Variants in ENY2 observed in about 807,000 individuals in gnomAD.
ENY2 encodes ENY2 transcription and export complex 2 subunit, also known as transcription and mRNA export factor ENY2.
A neutral mutation model predicts 15.9 loss-of-function variants in ENY2; 4 were observed. That is an observed-to-expected ratio of 0.25 (90% CI 0.12 to 0.57). ENY2 has a LOEUF of 0.57. ENY2 is among the 20% of genes least tolerant of loss of function. The pLI, the probability that ENY2 is intolerant of heterozygous loss-of-function variation, is 0.91. For missense variants in ENY2, 54 were observed against 117.2 expected (o/e 0.46, Z 2.49); for synonymous variants, 48 against 38.0 (o/e 1.26, Z -0.97).
chr8:109,343,974 G>T lies in ENY2; in HGVS notation c.*493G>T, dbSNP rs1816177938. 6.6e-6 allele frequency: 1 copy of T among 152,284 alleles called. No homozygotes were observed. Among genetic ancestry groups the T allele is most frequent in the Non-Finnish European group, 1.5e-5 (1 of 68,130 alleles). The allele number at this position is 152,284 out of a possible 1,614,324, so 9.4% of individuals were successfully genotyped here. On this transcript the variant is annotated 3_prime_UTR_variant, in exon 5 of 5. Transcript: ENST00000521688. ...TTATGTGCCTTCCTTATGCTTCAAAGAATTTACCATCTAATGGAAGAGAAC... is the reference window on the plus strand; with the variant it reads ...TTATGTGCCTTCCTTATGCTTCAAATAATTTACCATCTAATGGAAGAGAAC...
intron 2 of ENY2, among the ~76,000 whole-genome samples, chr8:109,337,531 CAG>C (rs1816012518): frequency 6.6e-6 from 1 of 151,952 alleles, no homozygotes; most frequent in Admixed American, 6.6e-5. Flanking sequence ...GTAATAATGT[CAG>C]ATGGTGATGA....
chr8:109,337,077 G>GTTTTTTTTTTTTTTTTTTTTTT (rs1178067243), intron 2 of ENY2, among the ~76,000 whole-genome samples: 2 of 151,110 alleles, frequency 1.3e-5, no homozygotes, highest in African/African-American at 2.4e-5. Context: ...GTCATTTAAA[G>GTTTTTTTTTTTTTTTTTTTTTT]TTTTAAGAAA....
chr8:109,334,567 C>G (rs1744383552), intron 1 of ENY2, 93 bp downstream of exon 1: 1 of 1,458,170 alleles, frequency 6.9e-7, no homozygotes, highest in Non-Finnish European at 9.1e-7. Flanking sequence ...CCGACCCGCG[C>G]TCGCGGGCCT....
At chr8:109,337,365 T>TG (rs1295165340) in intron 2 of ENY2, among the ~76,000 whole-genome samples, 6 of 151,990 alleles carry the variant, frequency 3.9e-5, no homozygotes, top group Admixed American at 1.3e-4. Context: ...GTTTTTTTTT[T>TG]TTGTTGTTTG....
At position 109,340,469 on chromosome 8, in the gene ENY2, G is replaced by GT; in HGVS notation, c.155-14dup. The GT allele has an allele frequency of 1.1e-5, 18 of 1,610,840 alleles. No homozygotes were observed. Among genetic ancestry groups the GT allele is most frequent in the Non-Finnish European group, 1.4e-5 (16 of 1,177,640 alleles). On this transcript the variant is annotated intron_variant, in intron 3 of 4. Coordinates refer to ENST00000521688, the MANE Select transcript of ENY2 (RefSeq NM_020189.6). ...ATAATGATTTTAAATGATATGATTT[G>GT]TTTTTTGCTTTTGCATAAGAGGTAA...
chr8:109,342,562 T>C (rs543795072), intron 4 of ENY2: 2 of 516,016 alleles, frequency 3.9e-6, no homozygotes, highest in East Asian at 3.7e-5. Flanking sequence ...GAGGATGGAG[T>C]GCGGTGGCAT....
chr8:109,343,261 G>T, intron 4 of ENY2, 144 bp from the exon 5 acceptor site: 2 of 587,100 alleles, frequency 3.4e-6, no homozygotes, highest in African/African-American at 1.9e-5. Flanking sequence ...TTCTTTGTCA[G>T]ATAACTTTAC....
rs1816235536 is a variant in ENY2, at chr8:109,345,915, G to T, written c.*2434G>T. The T allele has an allele frequency of 6.6e-6, 1 of 152,060 alleles. No individual in the cohort carries two copies. The highest frequency in any genetic ancestry group is 6.6e-5 in the Admixed American group (1 of 15,256). 9.4% of individuals were successfully genotyped at this position (152,060 alleles called of 1,614,324 possible). On this transcript the variant is annotated 3_prime_UTR_variant, in exon 5 of 5. Transcript: ENST00000521688. Reference sequence around the variant, plus strand: ...ACAAATGTTCTCTAGTTTGTATCTAGAATCACTTATATCTTTCAAATAAAC... The same window carrying T: ...ACAAATGTTCTCTAGTTTGTATCTATAATCACTTATATCTTTCAAATAAAC...
chr8:109,339,003 T>A (rs1816056395), intron 2 of ENY2: 1 of 288,510 alleles, frequency 3.5e-6, no homozygotes, highest in Non-Finnish European at 6.6e-6. Flanking sequence ...ACAAGACCCA[T>A]GATATTCCTG....
intron 4 of ENY2, among the ~76,000 whole-genome samples, chr8:109,342,003 G>A (rs1406257504): frequency 6.6e-6 from 1 of 152,004 alleles, no homozygotes; most frequent in Non-Finnish European, 1.5e-5. Flanking sequence ...TAATTATATA[G>A]TCTTGATTTG....
Position 109,336,285 on chromosome 8 carries a change from C to G in ENY2, c.83+81C>G, listed in dbSNP as rs528132325. 1.7e-5 allele frequency: 19 copies of G among 1,130,430 alleles called. 1 individual carries two copies. The South Asian group carries it at 1.8e-4, about 11-fold the overall frequency. 70.0% of individuals were successfully genotyped at this position (1,130,430 alleles called of 1,614,324 possible). A position where few individuals can be genotyped will look rare whatever the true frequency, so the allele number is the denominator to read the frequency against. ...GTAAGAATCTAAACAAGAAATGAAA[C>G]ATGTCACTGGAAAGAATTACAATTG... On this transcript the variant is annotated intron_variant, in intron 2 of 4. Transcript: ENST00000521688.
chr8:109,342,020 G>A (rs1816123064), intron 4 of ENY2, among the ~76,000 whole-genome samples: 1 of 151,986 alleles, frequency 6.6e-6, no homozygotes, highest in Non-Finnish European at 1.5e-5. Context: ...TTTGTAGGTT[G>A]GCTTAAACTA....
intron 4 of ENY2, among the ~76,000 whole-genome samples, chr8:109,341,993 T>G (rs1407513506): frequency 1.3e-5 from 2 of 152,182 alleles, no homozygotes; most frequent in Non-Finnish European, 2.9e-5. Context: ...GGACTTGAAT[T>G]AATTATATAG....
In ENY2 at chr8:109,337,033, C is replaced by A. The variant is rs139637827; in HGVS notation, c.83+829C>A. Among the ~76,000 whole-genome samples, 262 of 151,680 alleles carry A rather than the reference C, an allele frequency of 1.7e-3. 1 individual carries two copies. The East Asian group carries it at 0.026, about 15-fold the overall frequency. On this transcript the variant is annotated intron_variant, in intron 2 of 4. Coordinates refer to ENST00000521688, the MANE Select transcript of ENY2 (RefSeq NM_020189.6). ...TCTCACACAATAAGAAAAAGAGGTG[C>A]ATCTGTTGCTGACTTTATTTTTGGA...
chr8:109,336,103 T>A (rs775471654), intron 1 of ENY2, 25 bp from the exon 2 acceptor site: 3 of 1,610,066 alleles, frequency 1.9e-6, no homozygotes, highest in Non-Finnish European at 2.5e-6. Context: ...ATGTTCTATA[T>A]CTGAAAGTAC....
chr8:109,345,055 C>T lies in ENY2; in HGVS notation c.*1574C>T, dbSNP rs370730022. ...ATGAAGTTGTTTCATCCGTAAGTACCTTTGAACCCAGAAGCCCCCTTTCTC... is the reference window on the plus strand; with the variant it reads ...ATGAAGTTGTTTCATCCGTAAGTACTTTTGAACCCAGAAGCCCCCTTTCTC... On this transcript the variant is annotated 3_prime_UTR_variant, in exon 5 of 5. Transcript: ENST00000521688. 1.1e-4 allele frequency: 17 copies of T among 152,284 alleles called. No individual in the cohort carries two copies. The East Asian group carries it at 2.7e-3, about 24-fold the overall frequency. 9.4% of individuals were successfully genotyped at this position (152,284 alleles called of 1,614,324 possible). A position where few individuals can be genotyped will look rare whatever the true frequency, so the allele number is the denominator to read the frequency against.
At chr8:109,342,760 T>G (rs1816150439) in intron 4 of ENY2, 1 of 696,646 alleles carries the variant, frequency 1.4e-6, no homozygotes, top group Non-Finnish European at 2.6e-6. Flanking sequence ...TGCCTCAACC[T>G]TCCAGACTGC....
In ENY2 at chr8:109,339,675, A is replaced by G. The variant is rs539963229; in HGVS notation, c.154+285A>G. 1.2e-5 allele frequency: 4 copies of G among 323,288 alleles called. No homozygotes were observed. In the East Asian group the frequency reaches 2.2e-4, roughly 18 times the overall value. The allele number at this position is 323,288 out of a possible 1,614,324, so 20.0% of individuals were successfully genotyped here. ...TATTGTTTCTTATGTTTTAACTTAAATGGAACACTTTAGGGTTGGCAGACT... is the reference window on the plus strand; with the variant it reads ...TATTGTTTCTTATGTTTTAACTTAAGTGGAACACTTTAGGGTTGGCAGACT... On this transcript the variant is annotated intron_variant, in intron 3 of 4. Transcript: ENST00000521688.
chr8:109,342,732 G>A (rs962040461), intron 4 of ENY2: 7 of 697,364 alleles, frequency 1.0e-5, no homozygotes, highest in Admixed American at 2.0e-5. Context: ...TTGAGCTCCC[G>A]GACTCAGGCA....
Sources: gnomAD v4.1 joint callset for allele counts (sites outside exome capture counted in the v4.1 genomes callset) on GRCh38, gnomAD v4.1.1 for gene constraint, MANE v1.5 for transcripts, NCBI Gene and HGNC (gene_info 2026-07-23, HGNC 2026-07-21) for gene names.